Variants in PLEKHH2 observed in about 807,000 individuals in gnomAD.
PLEKHH2 encodes pleckstrin homology domain-containing family H member 2.
PLEKHH2 carries 129 observed loss-of-function variants against 187.9 expected under a neutral mutation model. That is an observed-to-expected ratio of 0.69 (90% CI 0.59 to 0.79). The LOEUF is 0.79. Ranked by LOEUF, PLEKHH2 falls within the 30% of genes least tolerant of loss-of-function variation. The pLI is 0.00. For missense variants in PLEKHH2, 2,076 were observed against 1,751.2 expected, an observed-to-expected ratio of 1.19 and a Z score of -3.31; for synonymous variants, 686 against 605.6, an observed-to-expected ratio of 1.13 and a Z score of -1.95.
At chr2:43,701,999 C>T (rs1410275267) in intron 8 of PLEKHH2, among the ~76,000 whole-genome samples, 1 of 152,152 alleles carries the variant, frequency 6.6e-6, no homozygotes, top group Admixed American at 6.5e-5. Context: ...GAATGCCTGA[C>T]TTCAGGTGAT....
chr2:43,748,475 A>G (rs1204632658), intron 24 of PLEKHH2, among the ~76,000 whole-genome samples: 1 of 152,202 alleles, frequency 6.6e-6, no homozygotes, highest in Non-Finnish European at 1.5e-5. Context: ...AGTAGTTCCC[A>G]ACGTGGGCCC....
chr2:43,746,231 C>T (rs978677822), intron 24 of PLEKHH2, among the ~76,000 whole-genome samples: 4 of 152,178 alleles, frequency 2.6e-5, no homozygotes, highest in South Asian at 2.1e-4. Flanking sequence ...CAGCTGAGCA[C>T]GGTGGCTCAC....
At chr2:43,640,754 G>A (rs1283769689) in intron 1 of PLEKHH2, among the ~76,000 whole-genome samples, 1 of 151,624 alleles carries the variant, frequency 6.6e-6, no homozygotes, top group African/African-American at 2.4e-5. Flanking sequence ...CAGATACTTT[G>A]CCCATTTTTA....
At chr2:43,732,135 G>T (rs1671069068) in intron 19 of PLEKHH2, among the ~76,000 whole-genome samples, 1 of 152,088 alleles carries the variant, frequency 6.6e-6, no homozygotes, top group African/African-American at 2.4e-5. Context: ...AGGCCGAGGA[G>T]GGTGGATCAC....
rs6733423 is a variant in PLEKHH2 at position 43,686,168 on chromosome 2, C to G, written c.187-6346C>G. Among the ~76,000 whole-genome samples the G allele has an allele frequency of 6.7e-3, 1,011 of 151,640 alleles. 14 individuals carry two copies. Among genetic ancestry groups the G allele is most frequent in the African/African-American group, 0.024 (969 of 41,202 alleles). On this transcript the variant is annotated intron_variant, in intron 3 of 29. Transcript: ENST00000282406. ...TTCTTCTTCCTTCTTCCTCTTCCTT[C>G]TTCCTCTTCCTCTTCTTCTTCTTCT...
Position 43,745,948 on chromosome 2 carries a change from T to G in PLEKHH2, c.3638T>G (p.Leu1213Arg). 1 of 1,609,198 alleles carries G rather than the reference T, an allele frequency of 6.2e-7. No individual in the cohort carries two copies. Among genetic ancestry groups the G allele is most frequent in the South Asian group, 1.1e-5 (1 of 90,230 alleles). Reference protein sequence around the residue: ...GKCEGTRTVRLTYKNRLYFSV... With the variant: ...GKCEGTRTVRRTYKNRLYFSV... ...TGTGAAGGTACAAGGACTGTTCGTC[T>G]GACATACAAAAACAGGTGTGTAATA... The change falls in exon 24 of 30, where the codon CTG becomes CGG. Residue 1213 changes from leucine (L) to arginine (R), a missense_variant. Transcript: ENST00000282406.
chr2:43,699,078 G>A (rs1165801358), intron 7 of PLEKHH2, among the ~76,000 whole-genome samples: 5 of 152,038 alleles, frequency 3.3e-5, no homozygotes, highest in African/African-American at 9.7e-5. Context: ...TAGTTGAAAG[G>A]AGGTGTCATT....
At chr2:43,749,227 G>A (rs1217892873) in intron 24 of PLEKHH2, among the ~76,000 whole-genome samples, 3 of 152,168 alleles carry the variant, frequency 2.0e-5, no homozygotes, top group Non-Finnish European at 2.9e-5. Context: ...AAAGAGAGTC[G>A]TGAATAAAAA....
intron 24 of PLEKHH2, among the ~76,000 whole-genome samples, chr2:43,752,098 T>A (rs1672034681): frequency 6.6e-6 from 1 of 152,196 alleles, no homozygotes; most frequent in Non-Finnish European, 1.5e-5. Flanking sequence ...TTAGCTAAAC[T>A]CTAATGGATT....
At chr2:43,747,213 C>G (rs1303680616) in intron 24 of PLEKHH2, among the ~76,000 whole-genome samples, 1 of 151,866 alleles carries the variant, frequency 6.6e-6, no homozygotes, top group Non-Finnish European at 1.5e-5. Flanking sequence ...TACAGACAGA[C>G]CCAGTTCCTG....
At chr2:43,728,168 T>G (rs557198042) in intron 17 of PLEKHH2, among the ~76,000 whole-genome samples, 1 of 152,054 alleles carries the variant, frequency 6.6e-6, no homozygotes, top group Non-Finnish European at 1.5e-5. Context: ...CATAATTCTA[T>G]TTCAAAAAAT....
chr2:43,641,909 A>G (rs1665953110), intron 1 of PLEKHH2, among the ~76,000 whole-genome samples: 1 of 152,210 alleles, frequency 6.6e-6, no homozygotes, highest in Non-Finnish European at 1.5e-5. Context: ...TAAGTTTAGA[A>G]ATAGTAACAT....
At chr2:43,653,071 C>G (rs558412368) in intron 2 of PLEKHH2, among the ~76,000 whole-genome samples, 1 of 151,916 alleles carries the variant, frequency 6.6e-6, no homozygotes, top group African/African-American at 2.4e-5. Context: ...ATTTAGAGGT[C>G]CAGTTCAATA....
intron 27 of PLEKHH2, among the ~76,000 whole-genome samples, chr2:43,762,033 G>A (rs1004016665): frequency 1.3e-5 from 2 of 152,144 alleles, no homozygotes; most frequent in African/African-American, 2.4e-5. Flanking sequence ...TGCTAAAGAT[G>A]AGGAAATTGA....
Position 43,706,250 on chromosome 2 carries a change from TA to T in PLEKHH2, c.1727-71del, listed in dbSNP as rs1669650271. Reference sequence around the variant, plus strand: ...TTTAAATGGAGATTATGCTCATTTGTATTCATAAGAAAAAGACCAATGTGCT... The same window carrying T: ...TTTAAATGGAGATTATGCTCATTTGTTTCATAAGAAAAAGACCAATGTGCT... On this transcript the variant is annotated intron_variant, in intron 9 of 29. Transcript: ENST00000282406. The T allele has an allele frequency of 6.0e-6, 6 of 1,007,894 alleles. No individual in the cohort carries two copies. The South Asian group carries it at 7.8e-5, about 13-fold the overall frequency. The allele number at this position is 1,007,894 out of a possible 1,614,324, so 62.4% of individuals were successfully genotyped here. A position where few individuals can be genotyped will look rare whatever the true frequency, so the allele number is the denominator to read the frequency against.
At chr2:43,693,859 C>T (rs1668958349) in intron 4 of PLEKHH2, among the ~76,000 whole-genome samples, 1 of 151,770 alleles carries the variant, frequency 6.6e-6, no homozygotes, top group South Asian at 2.1e-4. Flanking sequence ...ATTTTTTCCC[C>T]ATTTCTTGAT....
chr2:43,721,143 C>T (rs1226030719), intron 16 of PLEKHH2, among the ~76,000 whole-genome samples: 3 of 152,160 alleles, frequency 2.0e-5, no homozygotes, highest in Non-Finnish European at 4.4e-5. Flanking sequence ...CCCTCAAATT[C>T]CCGAATACCG....
At chr2:43,749,003 CGCCTCG>C (rs1671896679) in intron 24 of PLEKHH2, among the ~76,000 whole-genome samples, 1 of 152,078 alleles carries the variant, frequency 6.6e-6, no homozygotes, top group South Asian at 2.1e-4. Context: ...GTGATCTGCC[CGCCTCG>C]GCCTCCCAAA....
chr2:43,680,118 A>G (rs1668092361), intron 3 of PLEKHH2, among the ~76,000 whole-genome samples: 1 of 152,236 alleles, frequency 6.6e-6, no homozygotes, highest in African/African-American at 2.4e-5. Context: ...CATTTCATGA[A>G]AAGATCTCAG....
Sources: allele counts gnomAD v4.1 joint callset (sites outside exome capture counted in the v4.1 genomes callset), GRCh38; gene constraint gnomAD v4.1.1; transcripts MANE v1.5; gene names NCBI Gene and HGNC (gene_info 2026-07-23, HGNC 2026-07-21).